Variants in MYO3A observed in about 807,000 individuals in gnomAD.
The protein encoded by MYO3A is myosin IIIA.
In MYO3A, 180 loss-of-function variants were observed where a neutral mutation model predicts 192.7. The observed-to-expected ratio is 0.93, with a 90% CI of 0.83 to 1.06. The LOEUF is 1.06. MYO3A is among the 50% of genes least tolerant of loss of function. MYO3A has a pLI of 0.00. For missense variants in MYO3A, 1,896 were observed against 1,905.0 expected, an observed-to-expected ratio of 1.00 and a Z score of 0.09; for synonymous variants, 628 against 645.3, an observed-to-expected ratio of 0.97 and a Z score of 0.41.
chr10:25,956,546 G>A (rs1011331667), intron 4 of MYO3A, among the ~76,000 whole-genome samples: 1 of 138,146 alleles, frequency 7.2e-6, no homozygotes, highest in African/African-American at 2.7e-5. Context: ...GTTTCACTGT[G>A]TTGGCCAGTC....
intron 6 of MYO3A, among the ~76,000 whole-genome samples, chr10:26,007,266 G>A (rs1330219344): frequency 6.6e-6 from 1 of 150,682 alleles, no homozygotes; most frequent in Admixed American, 6.6e-5. Context: ...CAAACCCACA[G>A]CCAATATCAT....
At chr10:25,938,454 G>C (rs1486572098) in intron 2 of MYO3A, among the ~76,000 whole-genome samples, 1 of 152,172 alleles carries the variant, frequency 6.6e-6, no homozygotes, top group East Asian at 1.9e-4. Flanking sequence ...AGGAAAATAA[G>C]ATGATCTGAT....
chr10:26,069,302 CTG>C (rs900782224), intron 12 of MYO3A, among the ~76,000 whole-genome samples: 25 of 152,166 alleles, frequency 1.6e-4, no homozygotes, highest in African/African-American at 6.0e-4. Context: ...AAAATTGTCA[CTG>C]TGAGTTAAAA....
At chr10:26,048,756 C>G (rs561861618) in intron 10 of MYO3A, among the ~76,000 whole-genome samples, 1 of 152,222 alleles carries the variant, frequency 6.6e-6, no homozygotes, top group Non-Finnish European at 1.5e-5. Flanking sequence ...GTAGAGTTAT[C>G]AAGAAGGCAG....
chr10:25,969,325 C>T (rs1297908904), intron 4 of MYO3A, among the ~76,000 whole-genome samples: 11 of 152,112 alleles, frequency 7.2e-5, no homozygotes, highest in Non-Finnish European at 8.8e-5. Context: ...TCTTACTGTA[C>T]CTAGTTTATA....
chr10:25,956,593 C>G (rs1162746633), intron 4 of MYO3A, among the ~76,000 whole-genome samples: 1 of 149,936 alleles, frequency 6.7e-6, no homozygotes, highest in African/African-American at 2.5e-5. Context: ...ATCCACCTAT[C>G]TCGACCTCCT....
At chr10:26,050,727 A>G (rs1277907231) in intron 10 of MYO3A, among the ~76,000 whole-genome samples, 1 of 152,226 alleles carries the variant, frequency 6.6e-6, no homozygotes. Context: ...CAGCGTAAAC[A>G]CGCAAAATTT....
chr10:25,980,540 C>T (rs1162502496), intron 4 of MYO3A, among the ~76,000 whole-genome samples: 1 of 152,022 alleles, frequency 6.6e-6, no homozygotes, highest in African/African-American at 2.4e-5. Context: ...TGTGTCAATA[C>T]CTCACTTGTC....
intron 2 of MYO3A, among the ~76,000 whole-genome samples, chr10:25,940,668 G>A (rs1000177463): frequency 6.6e-6 from 1 of 151,890 alleles, no homozygotes; most frequent in African/African-American, 2.4e-5. Context: ...CCTTCATTTT[G>A]CCTTTCATCT....
intron 17 of MYO3A, among the ~76,000 whole-genome samples, chr10:26,111,939 T>C (rs1838208511): frequency 6.6e-6 from 1 of 152,204 alleles, no homozygotes; most frequent in Middle Eastern, 3.2e-3. Context: ...GATCTGCTTC[T>C]TACACATTCA....
At chr10:25,976,179 CAT>C (rs1367261850) in intron 4 of MYO3A, among the ~76,000 whole-genome samples, 3 of 152,198 alleles carry the variant, frequency 2.0e-5, no homozygotes, top group African/African-American at 7.2e-5. Context: ...ACTTTGGAAA[CAT>C]ACAGCAGTGT....
rs1279389452 is a variant in MYO3A at position 26,068,898 on chromosome 10, G to T, written c.1170+14G>T. 1 of 1,452,836 alleles carries T rather than the reference G, an allele frequency of 6.9e-7. No individual in the cohort carries two copies. The highest frequency in any genetic ancestry group is 1.1e-5 in the South Asian group (1 of 87,856). 90.0% of individuals were successfully genotyped at this position (1,452,836 alleles called of 1,614,324 possible). On this transcript the variant is annotated intron_variant, in intron 12 of 34. Transcript: ENST00000642920. ...TACTCCACAAAGGTATGTCGTATGG[G>T]GTGCATTCTGTTACTTCATACACAT...
chr10:26,036,620 T>A (rs1323481536), intron 10 of MYO3A, among the ~76,000 whole-genome samples: 1 of 152,218 alleles, frequency 6.6e-6, no homozygotes, highest in African/African-American at 2.4e-5. Flanking sequence ...TACTTTTCAG[T>A]CTTTAGTTTC....
chr10:26,140,559 C>T (rs1022263168), intron 20 of MYO3A, among the ~76,000 whole-genome samples: 1 of 151,940 alleles, frequency 6.6e-6, no homozygotes, highest in African/African-American at 2.4e-5. Flanking sequence ...TGGCAGGTGC[C>T]TGTAATCCCA....
chr10:25,962,030 A>G (rs983281395), intron 4 of MYO3A, among the ~76,000 whole-genome samples: 3 of 152,122 alleles, frequency 2.0e-5, no homozygotes, highest in Admixed American at 2.0e-4. Flanking sequence ...TACTGTCCTC[A>G]TTCTAAGCCT....
chr10:26,207,320 TTC>T (rs1844016046), intron 34 of MYO3A, among the ~76,000 whole-genome samples: 1 of 152,182 alleles, frequency 6.6e-6, no homozygotes, highest in South Asian at 2.1e-4. Context: ...CCCTTATAAT[TTC>T]TTTCTTTTCT....
chr10:26,147,628 C>G (rs1171006593), intron 23 of MYO3A, 69 bp downstream of exon 23: 21 of 1,602,710 alleles, frequency 1.3e-5, no homozygotes, highest in Non-Finnish European at 1.6e-5. Context: ...CTGCGCTTTT[C>G]ACTAATTTCA....
chr10:26,095,122 A>G (rs72787349), intron 15 of MYO3A, among the ~76,000 whole-genome samples: 14,840 of 152,178 alleles, frequency 0.098, 803 homozygotes, highest in Non-Finnish European at 0.12. Flanking sequence ...CCACTGCCAA[A>G]AGTGGCAGGA....
chr10:26,208,450 T>C (rs1256995974), intron 34 of MYO3A, among the ~76,000 whole-genome samples: 1 of 152,238 alleles, frequency 6.6e-6, no homozygotes, highest in Non-Finnish European at 1.5e-5. Flanking sequence ...TTACTAGCCA[T>C]GGCAACTAGG....
Sources: gnomAD v4.1 joint callset for allele counts (sites outside exome capture counted in the v4.1 genomes callset) on GRCh38, gnomAD v4.1.1 for gene constraint, MANE v1.5 for transcripts, NCBI Gene and HGNC (gene_info 2026-07-23, HGNC 2026-07-21) for gene names.